Variants in NAALADL2 observed in about 807,000 individuals in gnomAD.
NAALADL2 encodes the protein N-acetylated alpha-linked acidic dipeptidase like 2, also known as inactive N-acetylated-alpha-linked acidic dipeptidase-like protein 2.
NAALADL2 carries 76 observed loss-of-function variants against 87.2 expected under a neutral mutation model. The observed-to-expected ratio is 0.87, with a 90% CI of 0.72 to 1.05. The LOEUF (loss-of-function observed/expected upper bound fraction) is 1.05. Ranked by LOEUF, NAALADL2 falls within the 50% of genes least tolerant of loss-of-function variation. NAALADL2 has a pLI of 0.00. For missense variants in NAALADL2, 1,089 were observed against 945.8 expected, an observed-to-expected ratio of 1.15 and a Z score of -1.99; for synonymous variants, 354 against 331.0, an observed-to-expected ratio of 1.07 and a Z score of -0.75.
chr3:175,313,528 C>T (rs1313355583), intron 4 of NAALADL2, among the ~76,000 whole-genome samples: 1 of 152,036 alleles, frequency 6.6e-6, no homozygotes, highest in African/African-American at 2.4e-5. Context: ...TATATTCTGA[C>T]CAGCAAAAGT....
chr3:175,802,142 G>T (rs1420726920), intron 13 of NAALADL2, among the ~76,000 whole-genome samples: 1 of 115,554 alleles, frequency 8.7e-6, no homozygotes, highest in Non-Finnish European at 1.6e-5. Flanking sequence ...ATTACAGTGT[G>T]TATTAATTTT....
intron 3 of NAALADL2, among the ~76,000 whole-genome samples, chr3:174,819,917 C>A (rs1342876702): frequency 6.6e-6 from 1 of 152,104 alleles, no homozygotes; most frequent in East Asian, 1.9e-4. Flanking sequence ...TGATCATGAT[C>A]AATTAGGACA....
chr3:175,206,262 A>ATT (rs372246885), intron 2 of NAALADL2, among the ~76,000 whole-genome samples: 6,709 of 103,022 alleles, frequency 0.065, 394 homozygotes, highest in Admixed American at 0.087. Flanking sequence ...ATATATATAT[A>ATT]TTTTTTTTTT....
intron 2 of NAALADL2, among the ~76,000 whole-genome samples, chr3:174,644,703 G>T (rs1331136780): frequency 6.6e-6 from 1 of 152,102 alleles, no homozygotes; most frequent in Non-Finnish European, 1.5e-5. Flanking sequence ...TGATGTTTTT[G>T]TCTTATGAGT....
At chr3:175,404,297 A>G (rs190104778) in intron 5 of NAALADL2, among the ~76,000 whole-genome samples, 48 of 152,252 alleles carry the variant, frequency 3.2e-4, no homozygotes, top group African/African-American at 1.0e-3. Context: ...CCAGGTCTTC[A>G]GGAAATAACA....
rs566271140 is a variant in NAALADL2 at position 174,753,643 on chromosome 3, T to C, written c.-9+15897T>C. 2.6e-5 allele frequency among the ~76,000 whole-genome samples: 4 copies of C among 152,276 alleles called. No individual in the cohort carries two copies. In the East Asian group the frequency reaches 7.7e-4, roughly 29 times the overall value. On this transcript the variant is annotated intron_variant, in intron 3 of 3. Coordinates refer to the NAALADL2 transcript ENST00000434257. ...GGGATGGGGGATAAGAAGGAATTAA[T>C]GGCAGAATTGAATAGTATGTGTGAG...
Position 174,698,840 on chromosome 3 carries a change from G to A in NAALADL2, c.-114-38801G>A, listed in dbSNP as rs867577741. 2.1e-4 allele frequency among the ~76,000 whole-genome samples: 20 copies of A among 95,622 alleles called. 2 individuals are homozygous for A. Among genetic ancestry groups the A allele is most frequent in the Middle Eastern group, 9.1e-3 (2 of 220 alleles). 62.7% of individuals were successfully genotyped at this position (95,622 alleles called of 152,430 possible). A position where few individuals can be genotyped will look rare whatever the true frequency, so the allele number is the denominator to read the frequency against. The stretch of plus-strand genomic sequence containing the variant: ...GATCCCGCCACTGCACTCCAGCCTG[G>A]GTGACAGAGCGAGACTCCGTCTCAA... On this transcript the variant is annotated intron_variant, in intron 2 of 3. Transcript: ENST00000434257.
chr3:174,516,249 G>GACATT (rs1264275127), intron 1 of NAALADL2, among the ~76,000 whole-genome samples: 2 of 151,954 alleles, frequency 1.3e-5, no homozygotes, highest in Non-Finnish European at 2.9e-5. Context: ...ATTTGTTAAT[G>GACATT]ACATTAGTCA....
intron 5 of NAALADL2, among the ~76,000 whole-genome samples, chr3:175,439,382 G>A (rs1581893399): frequency 1.3e-5 from 2 of 151,760 alleles, no homozygotes; most frequent in African/African-American, 4.8e-5. Context: ...TGGATAAAAT[G>A]GTAGATATAT....
intron 1 of NAALADL2, among the ~76,000 whole-genome samples, chr3:175,039,433 C>T (rs1258691697): frequency 1.3e-5 from 2 of 152,124 alleles, no homozygotes; most frequent in Non-Finnish European, 2.9e-5. Flanking sequence ...GAATAGGATA[C>T]CTACACAATC....
At chr3:175,529,158 C>G (rs1309121793) in intron 9 of NAALADL2, among the ~76,000 whole-genome samples, 1 of 152,194 alleles carries the variant, frequency 6.6e-6, no homozygotes, top group Non-Finnish European at 1.5e-5. Context: ...TCCATGCATA[C>G]TCTTCCTTAC....
At chr3:175,303,151 G>C (rs556393802) in intron 4 of NAALADL2, among the ~76,000 whole-genome samples, 38 of 152,106 alleles carry the variant, frequency 2.5e-4, no homozygotes, top group African/African-American at 8.9e-4. Context: ...TTTTGTTTGT[G>C]TTTTTTCAGC....
intron 5 of NAALADL2, among the ~76,000 whole-genome samples, chr3:175,400,692 G>A (rs184054631): frequency 1.3e-5 from 2 of 152,178 alleles, no homozygotes; most frequent in Admixed American, 1.3e-4. Context: ...TAAAGAAAGG[G>A]TTGCAGAGTA....
At chr3:175,068,879 C>T (rs1010730532) in intron 1 of NAALADL2, among the ~76,000 whole-genome samples, 15 of 152,122 alleles carry the variant, frequency 9.9e-5, no homozygotes, top group African/African-American at 3.1e-4. Context: ...GCATGGGTTC[C>T]TCTAAAATAG....
rs538698641 is a variant in NAALADL2, at chr3:175,623,625, GAT to G, written c.1801-3664_1801-3663del. ...TCTCTAACAGAGAGAAGAGATGACA[GAT>G]AGAGGAGGTGGTCATGTGAAGAACA... On this transcript the variant is annotated intron_variant, in intron 10 of 13. Coordinates refer to ENST00000454872, the MANE Select transcript of NAALADL2 (RefSeq NM_207015.3). Among the ~76,000 whole-genome samples, 210 of 152,176 alleles carry G rather than the reference GAT, an allele frequency of 1.4e-3. 1 individual carries two copies. Among genetic ancestry groups the G allele is most frequent in the African/African-American group, 4.9e-3 (202 of 41,564 alleles).
intron 1 of NAALADL2, among the ~76,000 whole-genome samples, chr3:175,090,869 C>A (rs1434291983): frequency 7.3e-5 from 8 of 109,362 alleles, no homozygotes. Context: ...ATAATTATTT[C>A]TTTTATGTGG....
intron 4 of NAALADL2, among the ~76,000 whole-genome samples, chr3:175,266,857 G>T (rs1752011651): frequency 6.6e-6 from 1 of 151,776 alleles, no homozygotes; most frequent in African/African-American, 2.4e-5. Flanking sequence ...ACAACCTGGT[G>T]AAGGTATTAT....
intron 1 of NAALADL2, among the ~76,000 whole-genome samples, chr3:175,086,647 C>T (rs1718989704): frequency 6.6e-6 from 1 of 152,042 alleles, no homozygotes; most frequent in Admixed American, 6.5e-5. Flanking sequence ...TTCATATCAG[C>T]ATTACTTTTA....
intron 11 of NAALADL2, among the ~76,000 whole-genome samples, chr3:175,694,101 G>C (rs1213105047): frequency 6.6e-6 from 1 of 152,002 alleles, no homozygotes; most frequent in Non-Finnish European, 1.5e-5. Context: ...GTAATGTTTT[G>C]GTACTGCATT....
Sources: gnomAD v4.1 joint callset for allele counts (sites outside exome capture counted in the v4.1 genomes callset) on GRCh38, gnomAD v4.1.1 for gene constraint, MANE v1.5 for transcripts, NCBI Gene and HGNC (gene_info 2026-07-23, HGNC 2026-07-21) for gene names.